Variants in KPNB1 observed in about 807,000 individuals in gnomAD.
KPNB1 encodes the protein karyopherin subunit beta 1, also known as importin subunit beta-1.
In KPNB1, 7 loss-of-function variants were observed where a neutral mutation model predicts 113.0. That is an observed-to-expected ratio of 0.06 (90% CI 0.04 to 0.12). KPNB1 has a LOEUF of 0.12. Ranked by LOEUF, KPNB1 falls within the 10% of genes least tolerant of loss-of-function variation. The pLI, the probability that KPNB1 is intolerant of heterozygous loss-of-function variation, is 1.00. For missense variants in KPNB1, 400 were observed against 1,054.8 expected (o/e 0.38, Z 8.60); for synonymous variants, 363 against 378.6 (o/e 0.96, Z 0.48).
At position 47,682,413 on chromosome 17, in the gene KPNB1, C is replaced by T. The variant is rs1243452639; in HGVS notation, c.*9C>T. The T allele has an allele frequency of 6.4e-6, 5 of 780,582 alleles. No homozygotes were observed. Among genetic ancestry groups the T allele is most frequent in the African/African-American group, 3.4e-5 (2 of 59,200 alleles). 48.4% of individuals were successfully genotyped at this position (780,582 alleles called of 1,614,324 possible). On this transcript the variant is annotated 3_prime_UTR_variant, in exon 22 of 22. Transcript: ENST00000290158. ...TTCCATCTGTTTTCAGATCTGTTAC[C>T]ATTGGGATGATAACCTGAGGACCCC... is the stretch of plus-strand genomic sequence containing the variant.
At chr17:47,660,957 T>C (rs926405831) in intron 5 of KPNB1, among the ~76,000 whole-genome samples, 162 bp from the exon 6 acceptor site, 1 of 152,206 alleles carries the variant, frequency 6.6e-6, no homozygotes, top group Non-Finnish European at 1.5e-5. Context: ...ATAGCCTTTA[T>C]AGTGCTGTAC....
At chr17:47,663,212 G>T in intron 7 of KPNB1, 34 bp downstream of exon 7, 1 of 1,105,122 alleles carries the variant, frequency 9.0e-7, no homozygotes. Context: ...TTGAGCTTGT[G>T]GCTAATTACA....
intron 16 of KPNB1, among the ~76,000 whole-genome samples, chr17:47,676,807 CTTTTT>C (rs10649330): frequency 8.6e-6 from 1 of 116,258 alleles, no homozygotes; most frequent in Admixed American, 9.1e-5. Flanking sequence ...GAGAGCAAGG[CTTTTT>C]TTTTTTTTTT....
chr17:47,677,252 G>C (rs921799370), intron 17 of KPNB1, 125 bp downstream of exon 17: 1 of 737,954 alleles, frequency 1.4e-6, no homozygotes, highest in African/African-American at 1.7e-5. Flanking sequence ...GGAGGCCGAG[G>C]CAGGCCAGGA....
At chr17:47,674,881 A>G in intron 15 of KPNB1, 99 bp downstream of exon 15, 1 of 1,253,794 alleles carries the variant, frequency 8.0e-7, no homozygotes, top group South Asian at 1.5e-5. Context: ...CAGTGGCACG[A>G]TCTTGGCGCA....
At chr17:47,682,326 A>C in intron 21 of KPNB1, 78 bp from the exon 22 acceptor site, 1 of 775,664 alleles carries the variant, frequency 1.3e-6, no homozygotes, top group South Asian at 1.4e-5. Context: ...GGAGCATGTA[A>C]TTGTAGGAGT....
intron 5 of KPNB1, among the ~76,000 whole-genome samples, chr17:47,659,040 T>C (rs1056546535): frequency 7.2e-5 from 11 of 151,872 alleles, no homozygotes; most frequent in African/African-American, 2.7e-4. Context: ...AAGTCAGATA[T>C]CGTCCCTTAA....
chr17:47,661,943 A>T (rs77525238), intron 6 of KPNB1, among the ~76,000 whole-genome samples: 3,050 of 152,300 alleles, frequency 0.02, 81 homozygotes, highest in East Asian at 0.15. Context: ...TTGCTACTTT[A>T]TTGCCATAGG....
At position 47,682,672 on chromosome 17, in the gene KPNB1, TA is replaced by T. The variant is rs1311144023; in HGVS notation, c.*269del. ...TTGGAAAAGAGAAAAACAATGGAGT[TA>T]CTTATTTAAAAAAAAAGAAAGAAAG... is the stretch of plus-strand genomic sequence containing the variant. On this transcript the variant is annotated 3_prime_UTR_variant, in exon 22 of 22. Transcript: ENST00000290158. The T allele has an allele frequency of 2.0e-6, 1 of 512,518 alleles. No individual in the cohort carries two copies. The highest frequency in any genetic ancestry group is 3.2e-5 in the East Asian group (1 of 31,028). The allele number at this position is 512,518 out of a possible 1,614,324, so 31.7% of individuals were successfully genotyped here.
In KPNB1 at chr17:47,669,661, A is replaced by G; in HGVS notation, c.1225-17A>G. 6.5e-7 allele frequency: 1 copy of G among 1,549,800 alleles called. No individual in the cohort carries two copies. Among genetic ancestry groups the G allele is most frequent in the African/African-American group, 1.4e-5 (1 of 74,038 alleles). On this transcript the variant is annotated splice_polypyrimidine_tract_variant and intron_variant, in intron 10 of 21. Transcript: ENST00000290158. ...TTAATCTTTGTTTTGCTTTGCTAAT[A>G]ACTGTTATATTTTCAGGCTATGCCC...
rs2143201572 is a variant in KPNB1, at chr17:47,685,319, C to T, written c.*2915C>T. Reference sequence around the variant, plus strand: ...AACTTTAAGAAAAATCCAAACTCATCAGCTTTTGATAGCATCTTGGTTTTT... The same window carrying T: ...AACTTTAAGAAAAATCCAAACTCATTAGCTTTTGATAGCATCTTGGTTTTT... On this transcript the variant is annotated 3_prime_UTR_variant, in exon 22 of 22. Coordinates refer to ENST00000290158, the MANE Select transcript of KPNB1 (RefSeq NM_002265.6). 1 of 152,246 alleles carries T rather than the reference C, an allele frequency of 6.6e-6. No homozygotes were observed. The highest frequency in any genetic ancestry group is 3.4e-3 in the Middle Eastern group (1 of 294). 9.4% of individuals were successfully genotyped at this position (152,246 alleles called of 1,614,324 possible). A position where few individuals can be genotyped will look rare whatever the true frequency, so the allele number is the denominator to read the frequency against.
intron 12 of KPNB1, among the ~76,000 whole-genome samples, chr17:47,671,347 C>T (rs2143150668): frequency 6.6e-6 from 1 of 152,282 alleles, no homozygotes; most frequent in African/African-American, 2.4e-5. Flanking sequence ...GTTCAGTTTA[C>T]AGCTGAAATC....
At chr17:47,669,549 G>A (rs2030390077) in intron 10 of KPNB1, 129 bp from the exon 11 acceptor site, 2 of 627,514 alleles carry the variant, frequency 3.2e-6, no homozygotes, top group South Asian at 2.2e-5. Context: ...ACCATGTCCT[G>A]TAAAATTACA....
chr17:47,655,461 C>G (rs954492226), intron 3 of KPNB1, among the ~76,000 whole-genome samples: 2 of 152,160 alleles, frequency 1.3e-5, no homozygotes, highest in African/African-American at 2.4e-5. Context: ...AAGATTAGTT[C>G]ATAGGTGTTA....
At position 47,649,960 on chromosome 17, in the gene KPNB1, T is replaced by G; in HGVS notation, c.-285T>G. The G allele has an allele frequency of 7.6e-7, 1 of 1,318,358 alleles. No homozygotes were observed. Among genetic ancestry groups the G allele is most frequent in the Non-Finnish European group, 9.6e-7 (1 of 1,037,990 alleles). 81.7% of individuals were successfully genotyped at this position (1,318,358 alleles called of 1,614,324 possible). A position where few individuals can be genotyped will look rare whatever the true frequency, so the allele number is the denominator to read the frequency against. The stretch of plus-strand genomic sequence containing the variant: ...CCTCTCACTCACAGCCTCCCTTCCT[T>G]CTTTCTCCCTCCGCCTCCCGAGCAC... On this transcript the variant is annotated 5_prime_UTR_variant, in exon 1 of 22. Coordinates refer to ENST00000290158, the MANE Select transcript of KPNB1 (RefSeq NM_002265.6).
chr17:47,655,676 G>T lies in KPNB1; in HGVS notation c.283-1184G>T, dbSNP rs184383172. Among the ~76,000 whole-genome samples, 192 of 152,298 alleles carry T rather than the reference G, an allele frequency of 1.3e-3. 1 individual carries two copies. The highest frequency in any genetic ancestry group is 4.1e-3 in the African/African-American group (172 of 41,570). On this transcript the variant is annotated intron_variant, in intron 3 of 21. Coordinates refer to ENST00000290158, the MANE Select transcript of KPNB1 (RefSeq NM_002265.6). ...GACCCACCTGAATGCCCCAGAACTA[G>T]CTTCATTCTAGTGTCCATGTCTGTC...
intron 11 of KPNB1, 165 bp from the exon 12 acceptor site, chr17:47,670,537 T>A (rs2030414554): frequency 3.7e-6 from 2 of 535,220 alleles, no homozygotes; most frequent in Admixed American, 3.2e-5. Flanking sequence ...ATCAAATAAA[T>A]AAATAGTTAG....
chr17:47,655,408 C>A (rs11871606), intron 3 of KPNB1, among the ~76,000 whole-genome samples: 70,566 of 151,968 alleles, frequency 0.46, 17,098 homozygotes, highest in Middle Eastern at 0.55. Context: ...TTCTTTGATT[C>A]TTGGGCAAAC....
At chr17:47,662,727 C>CA (rs1314221233) in intron 6 of KPNB1, among the ~76,000 whole-genome samples, 2 of 151,830 alleles carry the variant, frequency 1.3e-5, no homozygotes, top group Non-Finnish European at 2.9e-5. Flanking sequence ...ACTAAAAATA[C>CA]AAAAAATTAG....
Sources: allele counts gnomAD v4.1 joint callset (sites outside exome capture counted in the v4.1 genomes callset), GRCh38; gene constraint gnomAD v4.1.1; transcripts MANE v1.5; gene names NCBI Gene and HGNC (gene_info 2026-07-23, HGNC 2026-07-21).